The following RABGAP1 variants were observed in gnomAD, a reference collection of about 807,000 sequenced individuals.
RABGAP1 encodes rab GTPase-activating protein 1.
In RABGAP1, 23 loss-of-function variants were observed where a neutral mutation model predicts 137.6. That is an observed-to-expected ratio of 0.17 (90% CI 0.12 to 0.24). The LOEUF (loss-of-function observed/expected upper bound fraction) is 0.24. Ranked by LOEUF, RABGAP1 falls within the 10% of genes least tolerant of loss-of-function variation. The pLI, the probability that RABGAP1 is intolerant of heterozygous loss-of-function variation, is 1.00. For missense variants in RABGAP1, 906 were observed against 1,275.8 expected, an observed-to-expected ratio of 0.71 and a Z score of 4.42; for synonymous variants, 451 against 450.7, an observed-to-expected ratio of 1.00 and a Z score of -0.01.
intron 13 of RABGAP1, chr9:123,035,379 CTTCTT>C: frequency 6.2e-7 from 1 of 1,614,152 alleles, no homozygotes; most frequent in Admixed American, 1.7e-5. Flanking sequence ...ATATCATCTA[CTTCTT>C]GTTGGAAAGC....
At position 122,981,920 on chromosome 9, in the gene RABGAP1, G is replaced by A. The variant is rs550746402; in HGVS notation, c.151-2565G>A. 7.9e-5 allele frequency among the ~76,000 whole-genome samples: 12 copies of A among 152,168 alleles called. No homozygotes were observed. The East Asian group carries it at 1.9e-3, about 25-fold the overall frequency. On this transcript the variant is annotated intron_variant, in intron 2 of 25. Coordinates refer to ENST00000373647, the MANE Select transcript of RABGAP1 (RefSeq NM_012197.4). ...AAAAACTAGCTGGGTGTGTTGGCAC[G>A]CGCCTGTGATCCCAGCTACTTGGGA... is the stretch of plus-strand genomic sequence containing the variant.
intron 6 of RABGAP1, chr9:122,990,789 AAAAAAAAATATATATATATATATAT>A (rs1836655447): frequency 3.5e-5 from 2 of 56,582 alleles, no homozygotes; most frequent in Non-Finnish European, 6.6e-5. Context: ...AAAAAAAAAA[AAAAAAAAATATATATATATATATAT>A]ATATATATAT....
intron 2 of RABGAP1, among the ~76,000 whole-genome samples, chr9:122,973,357 C>T (rs1835575078): frequency 1.3e-5 from 2 of 152,148 alleles, no homozygotes; most frequent in Admixed American, 6.5e-5. Flanking sequence ...CCTGCCTCAG[C>T]CTCCCAGTAG....
At chr9:123,039,577 T>A (rs1235935803) in intron 13 of RABGAP1, among the ~76,000 whole-genome samples, 1 of 152,188 alleles carries the variant, frequency 6.6e-6, no homozygotes, top group African/African-American at 2.4e-5. Flanking sequence ...AAATAATAAA[T>A]AATATCTCTT....
chr9:123,093,552 G>C (rs2035093664), intron 21 of RABGAP1, among the ~76,000 whole-genome samples: 1 of 152,178 alleles, frequency 6.6e-6, no homozygotes, highest in African/African-American at 2.4e-5. Flanking sequence ...TTAGTTCTGT[G>C]ACATTTTGCA....
At position 123,076,740 on chromosome 9, in the gene RABGAP1, T is replaced by C; in HGVS notation, c.2402T>C (p.Met801Thr). 2 of 1,602,980 alleles carry C rather than the reference T, an allele frequency of 1.2e-6. No homozygotes were observed. Among genetic ancestry groups the C allele is most frequent in the Non-Finnish European group, 1.7e-6 (2 of 1,174,810 alleles). The change falls in exon 19 of 26, where the codon ATG becomes ACG. Residue 801 changes from methionine to threonine, a missense_variant. By Grantham distance (81) the Met-to-Thr change is moderately conservative. Around this residue, in one of 9 missense-constraint regions of RABGAP1, gnomAD observed 77 missense variants for 105.6 expected, o/e 0.73. Coordinates refer to ENST00000373647, the MANE Select transcript of RABGAP1 (RefSeq NM_012197.4). ...TCAGAAGAAAATGCAAAAAAACTAA[T>C]GGAATTAGCCTGCAACATGAAGGTA... ...YRSEENAKKL[M>T]ELACNMKISQ...
chr9:122,985,308 G>A (rs1355584234), intron 3 of RABGAP1, among the ~76,000 whole-genome samples: 2 of 152,186 alleles, frequency 1.3e-5, no homozygotes, highest in Middle Eastern at 3.2e-3. Flanking sequence ...AATTGTAACA[G>A]TGCAGCTCAG....
At chr9:122,990,785 AAAAAAAAAAAAATATATAT>A (rs1442467254) in intron 6 of RABGAP1, 1 of 82,536 alleles carries the variant, frequency 1.2e-5, no homozygotes, top group Non-Finnish European at 2.1e-5. Flanking sequence ...AAAAAAAAAA[AAAAAAAAAAAAATATATAT>A]ATATATATAT....
chr9:122,992,137 A>G (rs1039221423), intron 6 of RABGAP1, among the ~76,000 whole-genome samples: 1 of 151,978 alleles, frequency 6.6e-6, no homozygotes, highest in Admixed American at 6.6e-5. Context: ...CCCAGGTTCA[A>G]GCAATTCTCA....
At position 123,090,325 on chromosome 9, in the gene RABGAP1, C is replaced by T. The variant is rs374410975; in HGVS notation, c.2568C>T (p.Asn856=). The T allele has an allele frequency of 2.7e-5, 44 of 1,613,420 alleles. No individual in the cohort carries two copies. Among genetic ancestry groups the T allele is most frequent in the Middle Eastern group, 1.6e-4 (1 of 6,084 alleles). Residue 856 remains asparagine, a synonymous_variant, in exon 21 of 26, where the codon AAC becomes AAT. Coordinates refer to ENST00000373647, the MANE Select transcript of RABGAP1 (RefSeq NM_012197.4). ...CTAACATGAGGTTGGAACAGGAAAACGATGACTTAGCCCATGAGCTGGTGA... is the reference window on the plus strand; with the variant it reads ...CTAACATGAGGTTGGAACAGGAAAATGATGACTTAGCCCATGAGCTGGTGA... The part of the protein sequence containing the change: ...QEANMRLEQE[N]DDLAHELVTS...
At chr9:123,089,022 A>G (rs1031136397) in intron 19 of RABGAP1, among the ~76,000 whole-genome samples, 16 of 152,170 alleles carry the variant, frequency 1.1e-4, no homozygotes, top group African/African-American at 3.6e-4. Context: ...TCTTGAAGCA[A>G]TGGAGGTGAA....
At chr9:123,043,799 GA>G (rs2033070992) in intron 13 of RABGAP1, among the ~76,000 whole-genome samples, 1 of 151,918 alleles carries the variant, frequency 6.6e-6, no homozygotes, top group Non-Finnish European at 1.5e-5. Flanking sequence ...AAGGAGAGGT[GA>G]AAATGGTTGC....
At chr9:122,952,093 A>G (rs1162368301) in intron 1 of RABGAP1, among the ~76,000 whole-genome samples, 1 of 152,162 alleles carries the variant, frequency 6.6e-6, no homozygotes, top group Non-Finnish European at 1.5e-5. Flanking sequence ...ATAAAGCATA[A>G]TTGAACTTTT....
chr9:122,989,716 G>T, intron 5 of RABGAP1: 2 of 549,732 alleles, frequency 3.6e-6, no homozygotes, highest in Admixed American at 3.2e-5. Context: ...GGTTAAGTAG[G>T]CATTCTGGTT....
chr9:122,969,264 A>T (rs183253027), intron 2 of RABGAP1, among the ~76,000 whole-genome samples: 1 of 152,214 alleles, frequency 6.6e-6, no homozygotes, highest in South Asian at 2.1e-4. Context: ...GCCTAGTTGT[A>T]TAGTGGGCTA....
intron 12 of RABGAP1, among the ~76,000 whole-genome samples, chr9:123,016,249 G>A (rs1034065173): frequency 6.6e-6 from 1 of 152,166 alleles, no homozygotes; most frequent in African/African-American, 2.4e-5. Context: ...GTTCATGCCT[G>A]TAATCTCAGC....
rs1837078686 is a variant in RABGAP1 at position 122,997,326 on chromosome 9, C to T, written c.1169C>T (p.Pro390Leu). Residue 390 changes from proline to leucine, a missense_variant, in exon 9 of 26, where the codon CCA (proline) becomes CTA (leucine). Physicochemically the swap from Pro to Leu is moderately conservative, Grantham distance 98. Around this residue, in one of 9 missense-constraint regions of RABGAP1, gnomAD observed 212 missense variants for 289.4 expected, o/e 0.73. Transcript: ENST00000373647. ...ACGGGGAGCTGGAATCCAAAATCCC[C>T]ACATTTTCAAGTTGTAAATGAAGAA... ...VITGSWNPKS[P>L]HFQVVNEETP... 1 of 1,611,284 alleles carries T rather than the reference C, an allele frequency of 6.2e-7. No homozygotes were observed. The highest frequency in any genetic ancestry group is 1.3e-5 in the African/African-American group (1 of 74,882).
intron 21 of RABGAP1, among the ~76,000 whole-genome samples, chr9:123,092,770 A>G (rs780493242): frequency 2.0e-5 from 3 of 152,212 alleles, no homozygotes; most frequent in Non-Finnish European, 4.4e-5. Flanking sequence ...GAAGGGATAT[A>G]ATTATGATCC....
At chr9:123,051,019 T>A (rs932146618) in intron 13 of RABGAP1, among the ~76,000 whole-genome samples, 2 of 151,954 alleles carry the variant, frequency 1.3e-5, no homozygotes, top group Admixed American at 6.6e-5. Context: ...GGTAGTTATG[T>A]GAAAGGCCAG....
Sources: gnomAD v4.1 joint callset for allele counts (sites outside exome capture counted in the v4.1 genomes callset) on GRCh38, gnomAD v4.1.1 for gene constraint, gnomAD v4.1.1 regional missense constraint, MANE v1.5 for transcripts, NCBI Gene and HGNC (gene_info 2026-07-23, HGNC 2026-07-21) for gene names.